Variants in TMEM64 observed in about 807,000 individuals in gnomAD.
TMEM64 encodes transmembrane protein 64.
TMEM64 carries 19 observed loss-of-function variants against 24.5 expected under a neutral mutation model. The ratio of observed to expected loss-of-function variants is 0.78; its 90% CI spans 0.54 to 1.14. The LOEUF is 1.14. TMEM64 is among the 50% of genes most tolerant of loss of function. The pLI is 0.00. For synonymous variants in TMEM64, 262 were observed against 224.7 expected, an observed-to-expected ratio of 1.17 and a Z score of -1.49; for missense variants, 487 against 493.0, an observed-to-expected ratio of 0.99 and a Z score of 0.12.
intron 1 of TMEM64, among the ~76,000 whole-genome samples, chr8:90,632,677 T>TTGAATTC (rs1344680428): frequency 6.6e-6 from 1 of 152,204 alleles, no homozygotes; most frequent in Non-Finnish European, 1.5e-5. Flanking sequence ...CAGGTTGCTC[T>TTGAATTC]TGAATTCCTG....
In TMEM64 at chr8:90,624,406, AT is replaced by A. The variant is rs1216222017; in HGVS notation, c.*1264del. Reference sequence around the variant, plus strand: ...TCTATAACCTCATTTGTAAAAAAAAATCATTAAGTTTATAAACTATTTTAAA... The same window carrying A: ...TCTATAACCTCATTTGTAAAAAAAAACATTAAGTTTATAAACTATTTTAAA... On this transcript the variant is annotated 3_prime_UTR_variant, in exon 3 of 3. Transcript: ENST00000458549. 6.6e-6 allele frequency: 1 copy of A among 152,308 alleles called. No homozygotes were observed. Among genetic ancestry groups the A allele is most frequent in the Admixed American group, 6.5e-5 (1 of 15,288 alleles). The allele number at this position is 152,308 out of a possible 1,614,324, so 9.4% of individuals were successfully genotyped here.
At chr8:90,642,491 G>T (rs1435106204) in intron 1 of TMEM64, among the ~76,000 whole-genome samples, 1 of 152,138 alleles carries the variant, frequency 6.6e-6, no homozygotes, top group Admixed American at 6.5e-5. Context: ...GCCTAGAAAA[G>T]GGGGCAGCTA....
Position 90,623,544 on chromosome 8 carries a change from T to G in TMEM64, c.*2127A>C, listed in dbSNP as rs1809312611. 2 of 152,422 alleles carry G rather than the reference T, an allele frequency of 1.3e-5. No individual in the cohort carries two copies. 9.4% of individuals were successfully genotyped at this position (152,422 alleles called of 1,614,324 possible). A position where few individuals can be genotyped will look rare whatever the true frequency, so the allele number is the denominator to read the frequency against. ...TTAGAAACAGTCAATCCATACTATT[T>G]TAAGAAAAAAATGGATGATTTATTA... On this transcript the variant is annotated 3_prime_UTR_variant, in exon 3 of 3. Coordinates refer to ENST00000458549, the MANE Select transcript of TMEM64 (RefSeq NM_001008495.4).
At chr8:90,636,076 C>T (rs1448429308) in intron 1 of TMEM64, among the ~76,000 whole-genome samples, 1 of 152,108 alleles carries the variant, frequency 6.6e-6, no homozygotes, top group Non-Finnish European at 1.5e-5. Context: ...CAAACCTTAC[C>T]CTTGGGAAAC....
At chr8:90,637,566 A>C (rs996949544) in intron 1 of TMEM64, among the ~76,000 whole-genome samples, 1 of 152,088 alleles carries the variant, frequency 6.6e-6, no homozygotes, top group African/African-American at 2.4e-5. Context: ...AAATATTATA[A>C]ATTCCAATTA....
Position 90,625,728 on chromosome 8 carries a change from A to G in TMEM64, c.1086T>C (p.Ser362=), listed in dbSNP as rs748297993. 6 of 1,613,976 alleles carry G rather than the reference A, an allele frequency of 3.7e-6. No individual in the cohort carries two copies. The highest frequency in any genetic ancestry group is 5.1e-6 in the Non-Finnish European group (6 of 1,179,934). ...VKGNQPNTSG[S]SFYNKRTLTF... ...TTAGGGTCCTCTTGTTGTAGAATGAAGAGCCACTGGTATTTGGTTGATTGC... is the reference window on the plus strand; with the variant it reads ...TTAGGGTCCTCTTGTTGTAGAATGAGGAGCCACTGGTATTTGGTTGATTGC... Residue 362 remains serine, a synonymous_variant, in exon 3 of 3, where the codon TCT becomes TCC. Transcript: ENST00000458549.
At chr8:90,626,053 G>GC (rs1262803268) in intron 2 of TMEM64, among the ~76,000 whole-genome samples, 191 bp from the exon 3 acceptor site, 1 of 152,200 alleles carries the variant, frequency 6.6e-6, no homozygotes, top group East Asian at 1.9e-4. Flanking sequence ...TCTCCTGGTA[G>GC]TGGAGGACCA....
intron 2 of TMEM64, 35 bp downstream of exon 2, chr8:90,631,517 A>AG: frequency 2.1e-6 from 3 of 1,454,422 alleles, no homozygotes; most frequent in South Asian, 1.6e-5. Context: ...AGAAACAGAG[A>AG]GAAAAAAAGA....
At chr8:90,626,625 C>CTTTT (rs1223612676) in intron 2 of TMEM64, among the ~76,000 whole-genome samples, 2 of 112,536 alleles carry the variant, frequency 1.8e-5, no homozygotes, top group African/African-American at 8.7e-5. Flanking sequence ...CTTTTTTTTT[C>CTTTT]TTTCTTTTTT....
rs185086305 is a variant in TMEM64, at chr8:90,645,781, G to C, written c.125C>G (p.Pro42Arg). Residue 42 changes from proline to arginine, a missense_variant, in exon 1 of 3, where the codon CCG (proline) becomes CGG (arginine). By Grantham distance (103) the Pro-to-Arg change is moderately radical. Coordinates refer to ENST00000458549, the MANE Select transcript of TMEM64 (RefSeq NM_001008495.4). This position sits in a 1 kb window ranked among gnomAD's most constrained non-coding sequence, Gnocchi z 4.2. ...GCCCCCGCGGGGAAGGCGGTCCGCC[G>C]GGCCGTCCCCGCCCGCACCCCGCGG... The part of the protein sequence containing the change: ...ALPRGAGGDG[P>R]ADRLPRGGGA... The C allele has an allele frequency of 5.9e-6, 6 of 1,020,192 alleles. No homozygotes were observed. The highest frequency in any genetic ancestry group is 7.0e-6 in the Non-Finnish European group (6 of 854,796). The allele number at this position is 1,020,192 out of a possible 1,614,324, so 63.2% of individuals were successfully genotyped here.
intron 1 of TMEM64, among the ~76,000 whole-genome samples, chr8:90,644,192 ACTGAAT>A (rs1446020191): frequency 7.2e-5 from 11 of 152,216 alleles, no homozygotes; most frequent in Non-Finnish European, 1.0e-4. Flanking sequence ...GTTTAGAATC[ACTGAAT>A]TTGGGGAACA....
intron 1 of TMEM64, among the ~76,000 whole-genome samples, chr8:90,631,993 C>T (rs1809446597): frequency 6.6e-6 from 1 of 152,134 alleles, no homozygotes. Context: ...ACATTGATAA[C>T]TTTGTAAAAA....
chr8:90,633,635 C>G (rs758590700), intron 1 of TMEM64, among the ~76,000 whole-genome samples: 1 of 152,200 alleles, frequency 6.6e-6, no homozygotes, highest in Admixed American at 6.5e-5. Context: ...TTTAACACAC[C>G]TGTCAGTATG....
rs1321534737 is a variant in TMEM64, at chr8:90,622,954, G to T, written c.*2717C>A. The stretch of plus-strand genomic sequence containing the variant: ...TTTCAAGTTATTTCACAAATCAGAT[G>T]ATCAAATAAAAATGGACATGAATAT... On this transcript the variant is annotated 3_prime_UTR_variant, in exon 3 of 3. Coordinates refer to ENST00000458549, the MANE Select transcript of TMEM64 (RefSeq NM_001008495.4). 1.3e-5 allele frequency: 2 copies of T among 151,948 alleles called. No individual in the cohort carries two copies. The highest frequency in any genetic ancestry group is 4.8e-5 in the African/African-American group (2 of 41,364). The allele number at this position is 151,948 out of a possible 1,614,324, so 9.4% of individuals were successfully genotyped here. A position where few individuals can be genotyped will look rare whatever the true frequency, so the allele number is the denominator to read the frequency against.
At chr8:90,632,679 G>A (rs1177131004) in intron 1 of TMEM64, among the ~76,000 whole-genome samples, 2 of 152,124 alleles carry the variant, frequency 1.3e-5, no homozygotes, top group Admixed American at 6.5e-5. Context: ...GGTTGCTCTT[G>A]AATTCCTGAG....
At chr8:90,632,963 T>C (rs982717188) in intron 1 of TMEM64, among the ~76,000 whole-genome samples, 1 of 152,262 alleles carries the variant, frequency 6.6e-6, no homozygotes, top group African/African-American at 2.4e-5. Flanking sequence ...ATTACACATT[T>C]ATTTTTGGCT....
rs534002378 is a variant in TMEM64, at chr8:90,632,408, C to T, written c.796-701G>A. Among the ~76,000 whole-genome samples, 92 of 152,260 alleles carry T rather than the reference C, an allele frequency of 6.0e-4. 1 individual carries two copies. The highest frequency in any genetic ancestry group is 2.0e-3 in the African/African-American group (82 of 41,550). On this transcript the variant is annotated intron_variant, in intron 1 of 2. Coordinates refer to ENST00000458549, the MANE Select transcript of TMEM64 (RefSeq NM_001008495.4). Reference sequence around the variant, plus strand: ...CCCCATCTCAGCTCACTGCAAGCTCCGCCTCCCCGGTTCATGCCATTCTCC... The same window carrying T: ...CCCCATCTCAGCTCACTGCAAGCTCTGCCTCCCCGGTTCATGCCATTCTCC...
At position 90,645,986 on chromosome 8, in the gene TMEM64, G is replaced by T; in HGVS notation, c.-81C>A. On this transcript the variant is annotated 5_prime_UTR_variant, in exon 1 of 3. Coordinates refer to ENST00000458549, the MANE Select transcript of TMEM64 (RefSeq NM_001008495.4). This position sits in a 1 kb window ranked among gnomAD's most constrained non-coding sequence, Gnocchi z 4.2. ...AGGCAGCTGCCCTTCATGGCGCCCGGTTCGCCCGGCATCGACTCCCTGCGT... is the reference window on the plus strand; with the variant it reads ...AGGCAGCTGCCCTTCATGGCGCCCGTTTCGCCCGGCATCGACTCCCTGCGT... 1.3e-6 allele frequency: 1 copy of T among 776,360 alleles called. No homozygotes were observed. The highest frequency in any genetic ancestry group is 1.6e-6 in the Non-Finnish European group (1 of 622,950). 48.1% of individuals were successfully genotyped at this position (776,360 alleles called of 1,614,324 possible).
rs1249056119 is a variant in TMEM64 at position 90,645,994 on chromosome 8, G to A, written c.-89C>T. 7.6e-6 allele frequency: 5 copies of A among 659,540 alleles called. No homozygotes were observed. In the African/African-American group the frequency reaches 7.9e-5, roughly 10 times the overall value. The allele number at this position is 659,540 out of a possible 1,614,324, so 40.9% of individuals were successfully genotyped here. On this transcript the variant is annotated 5_prime_UTR_variant, in exon 1 of 3. Transcript: ENST00000458549. This position sits in a 1 kb window ranked among gnomAD's most constrained non-coding sequence, Gnocchi z 4.2. ...GCCCTTCATGGCGCCCGGTTCGCCC[G>A]GCATCGACTCCCTGCGTCCGCTCAG...
Sources: gnomAD v4.1 joint callset for allele counts (sites outside exome capture counted in the v4.1 genomes callset) on GRCh38, gnomAD v4.1.1 for gene constraint, Gnocchi (gnomAD v3.1) non-coding constraint, MANE v1.5 for transcripts, NCBI Gene and HGNC (gene_info 2026-07-23, HGNC 2026-07-21) for gene names.